SLC24A3: variants seen among roughly 807,000 people sequenced by gnomAD.
SLC24A3 encodes the protein sodium/potassium/calcium exchanger 3.
A neutral mutation model predicts 75.8 loss-of-function variants in SLC24A3; 28 were observed. That is an observed-to-expected ratio of 0.37 (90% CI 0.27 to 0.51). The LOEUF (loss-of-function observed/expected upper bound fraction) is 0.51, where lower values mean the gene tolerates loss of function less well. SLC24A3 is among the 20% of genes least tolerant of loss of function. The pLI is 0.94. For missense variants in SLC24A3, 663 were observed against 847.8 expected (o/e 0.78, Z 2.71); for synonymous variants, 372 against 334.1 (o/e 1.11, Z -1.24).
At chr20:19,374,933 C>G (rs996472066) in intron 2 of SLC24A3, among the ~76,000 whole-genome samples, 1 of 152,070 alleles carries the variant, frequency 6.6e-6, no homozygotes, top group African/African-American at 2.4e-5. Context: ...GTATAAATAC[C>G]CCAGCTCCCT....
At chr20:19,589,992 A>G (rs762980020) in intron 6 of SLC24A3, among the ~76,000 whole-genome samples, 2 of 152,112 alleles carry the variant, frequency 1.3e-5, no homozygotes, top group Admixed American at 6.5e-5. Context: ...CATTCTTATG[A>G]TTAGCCTTGG....
At chr20:19,473,935 G>A (rs1365329182) in intron 2 of SLC24A3, among the ~76,000 whole-genome samples, 1 of 152,216 alleles carries the variant, frequency 6.6e-6, no homozygotes, top group Non-Finnish European at 1.5e-5. Flanking sequence ...TATTAATTCA[G>A]CAATCTGTCT....
intron 2 of SLC24A3, among the ~76,000 whole-genome samples, chr20:19,410,456 C>G (rs915322795): frequency 6.6e-6 from 1 of 152,160 alleles, no homozygotes; most frequent in African/African-American, 2.4e-5. Context: ...TAGGCTCTCT[C>G]AGGCTATCTC....
intron 6 of SLC24A3, among the ~76,000 whole-genome samples, chr20:19,595,536 A>G (rs1353169572): frequency 1.3e-5 from 2 of 152,186 alleles, no homozygotes; most frequent in Non-Finnish European, 2.9e-5. Flanking sequence ...ACCAAAGACA[A>G]GGTGAGTTGA....
chr20:19,635,950 C>T (rs1036499442), intron 6 of SLC24A3, among the ~76,000 whole-genome samples: 6 of 152,102 alleles, frequency 3.9e-5, no homozygotes, highest in Non-Finnish European at 5.9e-5. Flanking sequence ...ACCATCCTGG[C>T]TAACACGGTG....
chr20:19,250,008 A>C (rs917917800), intron 1 of SLC24A3, among the ~76,000 whole-genome samples: 1 of 152,076 alleles, frequency 6.6e-6, no homozygotes, highest in Non-Finnish European at 1.5e-5. Context: ...CATCTTTCCT[A>C]TTTGCAGTCC....
chr20:19,446,507 G>A (rs904639695), intron 2 of SLC24A3, among the ~76,000 whole-genome samples: 4 of 152,324 alleles, frequency 2.6e-5, no homozygotes, highest in Non-Finnish European at 5.9e-5. Flanking sequence ...GGAAGCAAGC[G>A]TTCGGGGAAA....
intron 2 of SLC24A3, among the ~76,000 whole-genome samples, chr20:19,341,175 A>T (rs1251485793): frequency 6.6e-6 from 1 of 152,242 alleles, no homozygotes; most frequent in Non-Finnish European, 1.5e-5. Context: ...TGAGTCTTCC[A>T]GGTGGATACC....
chr20:19,534,752 G>A (rs2030366525), intron 3 of SLC24A3, among the ~76,000 whole-genome samples: 1 of 152,166 alleles, frequency 6.6e-6, no homozygotes, highest in African/African-American at 2.4e-5. Flanking sequence ...AGAGACCCCT[G>A]ACTGCTTTAG....
chr20:19,705,449 G>A (rs1247987971), intron 15 of SLC24A3, among the ~76,000 whole-genome samples: 1 of 152,130 alleles, frequency 6.6e-6, no homozygotes, highest in African/African-American at 2.4e-5. Flanking sequence ...ACGTTATTTG[G>A]AAAAATAATC....
At chr20:19,608,331 C>T (rs1425627347) in intron 6 of SLC24A3, among the ~76,000 whole-genome samples, 10 of 152,098 alleles carry the variant, frequency 6.6e-5, no homozygotes, top group Admixed American at 4.6e-4. Flanking sequence ...TGTTAATTAG[C>T]AACATAAGAT....
intron 15 of SLC24A3, 96 bp from the exon 16 acceptor site, chr20:19,717,432 C>A: frequency 8.4e-7 from 1 of 1,186,272 alleles, no homozygotes; most frequent in Non-Finnish European, 1.2e-6. Context: ...GGAATCACTG[C>A]TACTCAGAGT....
intron 1 of SLC24A3, among the ~76,000 whole-genome samples, chr20:19,260,079 T>C (rs1460786949): frequency 1.3e-5 from 2 of 152,234 alleles, no homozygotes; most frequent in African/African-American, 4.8e-5. Flanking sequence ...GCTCTGCTGC[T>C]GCACAGCCTG....
Position 19,573,738 on chromosome 20 carries a change from G to T in SLC24A3, c.349-6262G>T, listed in dbSNP as rs866820467. On this transcript the variant is annotated intron_variant, in intron 3 of 16. Coordinates refer to ENST00000328041, the MANE Select transcript of SLC24A3 (RefSeq NM_020689.4). ...ATCCAAGTTGCACGCCGGAAGATAGGGTGACTTTAGCTGGATTTGTGCTTT... is the reference window on the plus strand; with the variant it reads ...ATCCAAGTTGCACGCCGGAAGATAGTGTGACTTTAGCTGGATTTGTGCTTT... 3.3e-5 allele frequency among the ~76,000 whole-genome samples: 5 copies of T among 152,136 alleles called. No individual in the cohort carries two copies. The South Asian group carries it at 1.0e-3, about 32-fold the overall frequency.
intron 2 of SLC24A3, among the ~76,000 whole-genome samples, chr20:19,389,859 T>C (rs1986336581): frequency 6.6e-6 from 1 of 152,228 alleles, no homozygotes; most frequent in Non-Finnish European, 1.5e-5. Flanking sequence ...CAGAACTTTC[T>C]TATTGGTATG....
At chr20:19,545,369 G>A (rs1244032030) in intron 3 of SLC24A3, among the ~76,000 whole-genome samples, 1 of 152,212 alleles carries the variant, frequency 6.6e-6, no homozygotes, top group East Asian at 1.9e-4. Flanking sequence ...CTCTTCAGAG[G>A]TGCTCCCCCT....
intron 6 of SLC24A3, among the ~76,000 whole-genome samples, chr20:19,603,630 G>T (rs2031558224): frequency 1.3e-5 from 2 of 152,242 alleles, no homozygotes; most frequent in South Asian, 4.1e-4. Flanking sequence ...TCCATCAGAA[G>T]AAAGAAGAGG....
At chr20:19,543,707 T>C (rs1327396956) in intron 3 of SLC24A3, among the ~76,000 whole-genome samples, 1 of 152,168 alleles carries the variant, frequency 6.6e-6, no homozygotes, top group East Asian at 1.9e-4. Flanking sequence ...TCACCATGCT[T>C]TGTGCGTAGC....
At chr20:19,357,139 A>T (rs747458614) in intron 2 of SLC24A3, among the ~76,000 whole-genome samples, 19 of 152,158 alleles carry the variant, frequency 1.2e-4, no homozygotes, top group Non-Finnish European at 1.8e-4. Flanking sequence ...GGGAGATTAG[A>T]CACACAAGAA....
Sources: allele counts gnomAD v4.1 joint callset (sites outside exome capture counted in the v4.1 genomes callset), GRCh38; gene constraint gnomAD v4.1.1; transcripts MANE v1.5; gene names NCBI Gene and HGNC (gene_info 2026-07-23, HGNC 2026-07-21).